The following CACNB2 variants were observed in gnomAD, a reference collection of about 807,000 sequenced individuals.
The protein encoded by CACNB2 is calcium voltage-gated channel auxiliary subunit beta 2, also known as voltage-dependent L-type calcium channel subunit beta-2.
Under a neutral mutation model 73.3 loss-of-function variants are expected in CACNB2, and 42 were observed. That is an observed-to-expected ratio of 0.57 (90% CI 0.45 to 0.74). The LOEUF is 0.74. CACNB2 is among the 30% of genes least tolerant of loss of function. The pLI is 0.00. For synonymous variants in CACNB2, 348 were observed against 310.3 expected, an observed-to-expected ratio of 1.12 and a Z score of -1.28; for missense variants, 940 against 853.0, an observed-to-expected ratio of 1.10 and a Z score of -1.27.
chr10:18,254,873 A>T (rs1014387808), intron 2 of CACNB2, among the ~76,000 whole-genome samples: 1 of 152,250 alleles, frequency 6.6e-6, no homozygotes, highest in African/African-American at 2.4e-5. Context: ...ATGAGAGAAC[A>T]CGGGAACGTG....
At chr10:18,351,647 A>G (rs977766029) in intron 2 of CACNB2, among the ~76,000 whole-genome samples, 1 of 152,224 alleles carries the variant, frequency 6.6e-6, no homozygotes, top group African/African-American at 2.4e-5. Context: ...AACCCAGTGT[A>G]TTTGCATAAT....
In CACNB2 at chr10:18,536,166, A is replaced by G. The variant is rs748585975; in HGVS notation, c.1272A>G (p.Val424=). 2.5e-6 allele frequency: 4 copies of G among 1,592,136 alleles called. No homozygotes were observed. The highest frequency in any genetic ancestry group is 1.1e-5 in the South Asian group (1 of 90,580). ...SQAKHLNVQM[V]AADKLAQCPP... is the part of the protein sequence containing the mutation. ...CTAAACACCTCAACGTCCAGATGGT[A>G]GCAGCTGATAAACTGGCTCAGTGTC... Residue 424 remains valine, a synonymous_variant, in exon 12 of 14, where the codon GTA becomes GTG. Transcript: ENST00000324631.
At chr10:18,472,706 C>T (rs1425348376) in intron 3 of CACNB2, among the ~76,000 whole-genome samples, 1 of 152,198 alleles carries the variant, frequency 6.6e-6, no homozygotes, top group African/African-American at 2.4e-5. Flanking sequence ...ACCACATCTC[C>T]TTAATAAACG....
At chr10:18,487,972 A>C (rs1350099389) in intron 3 of CACNB2, among the ~76,000 whole-genome samples, 1 of 151,668 alleles carries the variant, frequency 6.6e-6, no homozygotes, top group Non-Finnish European at 1.5e-5. Flanking sequence ...ATAAAAAGTC[A>C]TGCAAATTGT....
At chr10:18,172,372 C>G (rs142743810) in intron 2 of CACNB2, among the ~76,000 whole-genome samples, 2 of 152,244 alleles carry the variant, frequency 1.3e-5, no homozygotes, top group East Asian at 3.9e-4. Flanking sequence ...TCAAAAGAGG[C>G]AAAAAGCTAG....
chr10:18,201,557 G>A (rs973105933), intron 2 of CACNB2, among the ~76,000 whole-genome samples: 1 of 152,144 alleles, frequency 6.6e-6, no homozygotes, highest in Non-Finnish European at 1.5e-5. Flanking sequence ...TTGCAGGCAT[G>A]GGCCAGTATC....
chr10:18,340,786 C>G, intron 2 of CACNB2: 1 of 1,584,556 alleles, frequency 6.3e-7, no homozygotes, highest in Non-Finnish European at 8.5e-7. Context: ...ACTACACACC[C>G]CAAGCCAGCA....
At chr10:18,186,155 C>T (rs994001345) in intron 2 of CACNB2, among the ~76,000 whole-genome samples, 2 of 152,154 alleles carry the variant, frequency 1.3e-5, no homozygotes. Context: ...CATGGTAGCG[C>T]ACACCTGTAA....
chr10:18,146,979 T>C (rs890359560), intron 1 of CACNB2, among the ~76,000 whole-genome samples: 2 of 152,132 alleles, frequency 1.3e-5, no homozygotes, highest in African/African-American at 4.8e-5. Context: ...AGGAGAAGTG[T>C]CACAATAACC....
chr10:18,288,587 A>C (rs1464197135), intron 2 of CACNB2, among the ~76,000 whole-genome samples: 1 of 152,036 alleles, frequency 6.6e-6, no homozygotes, highest in Non-Finnish European at 1.5e-5. Flanking sequence ...GTCAACCACA[A>C]TTATTGAACA....
chr10:18,528,098 T>C (rs1332884430), intron 10 of CACNB2, among the ~76,000 whole-genome samples: 1 of 152,208 alleles, frequency 6.6e-6, no homozygotes, highest in East Asian at 1.9e-4. Flanking sequence ...AAACATGATA[T>C]GTGCTCAATA....
chr10:18,499,445 T>C (rs2050047568), intron 4 of CACNB2, among the ~76,000 whole-genome samples: 1 of 151,724 alleles, frequency 6.6e-6, no homozygotes, highest in South Asian at 2.1e-4. Flanking sequence ...GTGAACCCCG[T>C]CTCCACTAAA....
chr10:18,158,374 G>A (rs1340308568), intron 2 of CACNB2, among the ~76,000 whole-genome samples: 1 of 152,156 alleles, frequency 6.6e-6, no homozygotes, highest in Non-Finnish European at 1.5e-5. Flanking sequence ...ACTGTTATTA[G>A]AATGAATGAA....
intron 2 of CACNB2, among the ~76,000 whole-genome samples, chr10:18,165,108 G>C (rs2032756234): frequency 6.6e-6 from 1 of 152,154 alleles, no homozygotes; most frequent in African/African-American, 2.4e-5. Flanking sequence ...AAATGTGGTG[G>C]GTACACGGGG....
In CACNB2 at chr10:18,541,837, G is replaced by C. The variant is rs1394607947; in HGVS notation, c.*2113G>C. On this transcript the variant is annotated 3_prime_UTR_variant, in exon 14 of 14. Coordinates refer to ENST00000324631, the MANE Select transcript of CACNB2 (RefSeq NM_201596.3). Reference sequence around the variant, plus strand: ...AGATCACACCACTGTACTCCAGCCTGGGTGACAGAGTGAGACTCCATCTCC... The same window carrying C: ...AGATCACACCACTGTACTCCAGCCTCGGTGACAGAGTGAGACTCCATCTCC... 4.0e-5 allele frequency: 6 copies of C among 151,734 alleles called. No individual in the cohort carries two copies. The highest frequency in any genetic ancestry group is 8.8e-5 in the Non-Finnish European group (6 of 67,964). The allele number at this position is 151,734 out of a possible 1,614,324, so 9.4% of individuals were successfully genotyped here.
intron 2 of CACNB2, among the ~76,000 whole-genome samples, chr10:18,220,543 T>G (rs1005886713): frequency 6.6e-6 from 1 of 151,912 alleles, no homozygotes; most frequent in African/African-American, 2.4e-5. Context: ...CTTACAGGTG[T>G]GAGCCACCGC....
chr10:18,322,246 C>T (rs2040424252), intron 2 of CACNB2, among the ~76,000 whole-genome samples: 1 of 152,082 alleles, frequency 6.6e-6, no homozygotes, highest in Non-Finnish European at 1.5e-5. Flanking sequence ...TCCAAATTAA[C>T]ATCTTGGAAA....
chr10:18,334,662 G>C (rs1029418582), intron 2 of CACNB2, among the ~76,000 whole-genome samples: 2 of 152,016 alleles, frequency 1.3e-5, no homozygotes, highest in Admixed American at 1.3e-4. Context: ...CCTGGCCTCT[G>C]CCCACTAGAT....
intron 2 of CACNB2, among the ~76,000 whole-genome samples, chr10:18,287,530 A>G (rs1212722384): frequency 6.6e-6 from 1 of 151,722 alleles, no homozygotes; most frequent in African/African-American, 2.4e-5. Context: ...ACAGAAATTT[A>G]CTGTCTCACA....
Sources: gnomAD v4.1 joint callset for allele counts (sites outside exome capture counted in the v4.1 genomes callset) on GRCh38, gnomAD v4.1.1 for gene constraint, MANE v1.5 for transcripts, NCBI Gene and HGNC (gene_info 2026-07-23, HGNC 2026-07-21) for gene names.